ANK3: variants seen among roughly 807,000 people sequenced by gnomAD.
ANK3 encodes the protein ankyrin 3, also known as ankyrin-3.
In ANK3, 57 loss-of-function variants were observed where a neutral mutation model predicts 370.9. The observed-to-expected ratio is 0.15, with a 90% CI of 0.12 to 0.19. ANK3 has a LOEUF of 0.19. Among genes scored for constraint, ANK3 ranks in the 10% least tolerant of loss-of-function variants. The probability of loss-of-function intolerance (pLI) is 1.00; values close to 1 mark genes in which losing one functional copy is unlikely to be tolerated. For missense variants in ANK3, 4,439 were observed against 5,302.1 expected (o/e 0.84, Z 5.06); for synonymous variants, 1,929 against 1,946.3 (o/e 0.99, Z 0.23).
chr10:60,505,675 G>A (rs1041182985), intron 2 of ANK3, among the ~76,000 whole-genome samples: 3 of 152,050 alleles, frequency 2.0e-5, no homozygotes, highest in Non-Finnish European at 4.4e-5. Flanking sequence ...GAGGTACAAT[G>A]AACACCCCAA....
intron 1 of ANK3, among the ~76,000 whole-genome samples, chr10:60,333,492 C>T (rs770490816): frequency 7.2e-5 from 11 of 152,096 alleles, no homozygotes; most frequent in South Asian, 2.1e-4. Context: ...TTCTTTTTTA[C>T]GCCTGTGTAG....
intron 36 of ANK3, among the ~76,000 whole-genome samples, chr10:60,079,413 G>A (rs1482478759): frequency 6.6e-6 from 1 of 152,160 alleles, no homozygotes; most frequent in Admixed American, 6.5e-5. Context: ...TAGTCAAGGA[G>A]CTAGGCTCCA....
At chr10:60,111,527 T>C (rs1305857749) in intron 26 of ANK3, among the ~76,000 whole-genome samples, 2 of 151,780 alleles carry the variant, frequency 1.3e-5, no homozygotes, top group African/African-American at 4.8e-5. Context: ...AGGTGATATA[T>C]AATAATATTT....
intron 1 of ANK3, among the ~76,000 whole-genome samples, chr10:60,352,256 A>T (rs1011869940): frequency 6.6e-6 from 1 of 152,194 alleles, no homozygotes; most frequent in African/African-American, 2.4e-5. Flanking sequence ...TGATCACGCC[A>T]CTGTACTCCA....
chr10:60,029,635 T>C lies in ANK3; in HGVS notation c.*211A>G, dbSNP rs1293826599. The stretch of plus-strand genomic sequence containing the variant: ...CGCCAATCCGGAAATGAAAGTGATT[T>C]CCATGCTCTGTAAATTGGCTCATGC... On this transcript the variant is annotated 3_prime_UTR_variant, in exon 44 of 44. Transcript: ENST00000280772. The C allele has an allele frequency of 6.6e-6, 1 of 152,600 alleles. No homozygotes were observed. Among genetic ancestry groups the C allele is most frequent in the Non-Finnish European group, 1.5e-5 (1 of 68,042 alleles). 9.5% of individuals were successfully genotyped at this position (152,600 alleles called of 1,614,324 possible).
chr10:60,699,869 A>G (rs1256397506), intron 1 of ANK3, among the ~76,000 whole-genome samples: 1 of 152,226 alleles, frequency 6.6e-6, no homozygotes, highest in East Asian at 1.9e-4. Flanking sequence ...CATAAACAGG[A>G]AATCACATCA....
intron 1 of ANK3, among the ~76,000 whole-genome samples, chr10:60,684,072 T>C (rs917015875): frequency 3.3e-5 from 5 of 152,198 alleles, no homozygotes; most frequent in Admixed American, 1.3e-4. Flanking sequence ...ATATATCAAA[T>C]GATTACATGG....
chr10:60,523,353 T>A (rs1016749180), intron 2 of ANK3, among the ~76,000 whole-genome samples: 1 of 151,612 alleles, frequency 6.6e-6, no homozygotes, highest in African/African-American at 2.4e-5. Flanking sequence ...ACTCATTATT[T>A]AGCATTAGGT....
In ANK3 at chr10:60,186,898, T is replaced by C. The variant is rs2096351159; in HGVS notation, c.1902A>G (p.Pro634=). 1 of 1,614,004 alleles carries C rather than the reference T, an allele frequency of 6.2e-7. No individual in the cohort carries two copies. Among genetic ancestry groups the C allele is most frequent in the African/African-American group, 1.3e-5 (1 of 74,924 alleles). Residue 634 remains proline (P), a synonymous_variant, in exon 17 of 44, where the codon CCA becomes CCG. Transcript: ENST00000280772. ...GGTTCTTTTTGGCAGCGATGTGCAGTGGCGTATAACCATTCTGTCAACACA... is the reference window on the plus strand; with the variant it reads ...GGTTCTTTTTGGCAGCGATGTGCAGCGGCGTATAACCATTCTGTCAACACA... ...PHAAAKNGYT[P]LHIAAKKNQM... is the part of the protein sequence containing the mutation.
At chr10:60,680,549 C>T (rs1278618957) in intron 1 of ANK3, among the ~76,000 whole-genome samples, 1 of 152,188 alleles carries the variant, frequency 6.6e-6, no homozygotes, top group Non-Finnish European at 1.5e-5. Flanking sequence ...CCCAACAGGC[C>T]TTCTCCATTC....
intron 2 of ANK3, among the ~76,000 whole-genome samples, chr10:60,477,468 G>A (rs2075097105): frequency 6.7e-6 from 1 of 148,830 alleles, no homozygotes; most frequent in Admixed American, 6.8e-5. Context: ...GGGCTACGAA[G>A]TACAGGTGAA....
At chr10:60,111,834 AT>A in intron 26 of ANK3, 1 of 442,200 alleles carries the variant, frequency 2.3e-6, no homozygotes, top group South Asian at 1.6e-5. Context: ...GCAACAGAAA[AT>A]GTCAATGACA....
Position 60,073,341 on chromosome 10 carries a change from TTTC to T in ANK3, c.7537_7539del (p.Glu2513del), listed in dbSNP as rs2083123536. ...ACATCTTTATAGATTTTGGAGAGAA[TTTC>T]TTTTTTGGGGGCAGTGGCTATTTTT... On this transcript the variant is annotated inframe_deletion, in exon 37 of 44. Coordinates refer to ENST00000280772, the MANE Select transcript of ANK3 (RefSeq NM_020987.5). 1 of 1,613,870 alleles carries T rather than the reference TTTC, an allele frequency of 6.2e-7. No individual in the cohort carries two copies. The highest frequency in any genetic ancestry group is 8.5e-7 in the Non-Finnish European group (1 of 1,180,010).
chr10:60,331,585 A>C (rs937314333), intron 1 of ANK3, among the ~76,000 whole-genome samples: 7 of 151,740 alleles, frequency 4.6e-5, no homozygotes, highest in East Asian at 1.9e-4. Context: ...AAAAAAAAAA[A>C]AACAAAAAGA....
chr10:60,574,802 T>C (rs1027448463), intron 2 of ANK3, among the ~76,000 whole-genome samples: 7 of 152,170 alleles, frequency 4.6e-5, no homozygotes, highest in South Asian at 2.1e-4. Flanking sequence ...CACCTAAATC[T>C]TGACATTCTT....
chr10:60,343,411 G>A (rs1212152401), intron 1 of ANK3, among the ~76,000 whole-genome samples: 3 of 152,094 alleles, frequency 2.0e-5, no homozygotes, highest in Admixed American at 1.3e-4. Context: ...GGAATTTAAA[G>A]TTATAAACGT....
intron 2 of ANK3, among the ~76,000 whole-genome samples, chr10:60,451,799 C>A (rs2133040679): frequency 6.6e-6 from 1 of 152,286 alleles, no homozygotes; most frequent in Non-Finnish European, 1.5e-5. Context: ...GTGTGTGGAG[C>A]TACCCTTAGG....
chr10:60,419,818 C>T (rs572406766), intron 2 of ANK3, among the ~76,000 whole-genome samples: 4 of 152,232 alleles, frequency 2.6e-5, no homozygotes, highest in South Asian at 4.1e-4. Flanking sequence ...ACATCAAAAC[C>T]GAACTCGATA....
intron 26 of ANK3, among the ~76,000 whole-genome samples, chr10:60,109,868 C>T (rs1471357154): frequency 6.6e-6 from 1 of 152,180 alleles, no homozygotes; most frequent in African/African-American, 2.4e-5. Flanking sequence ...GAATCACTGT[C>T]TTCTATCACA....
Sources: gnomAD v4.1 joint callset for allele counts (sites outside exome capture counted in the v4.1 genomes callset) on GRCh38, gnomAD v4.1.1 for gene constraint, MANE v1.5 for transcripts, NCBI Gene and HGNC (gene_info 2026-07-23, HGNC 2026-07-21) for gene names.